TTC6: variants seen among roughly 807,000 people sequenced by gnomAD.
TTC6 encodes tetratricopeptide repeat domain 6.
A neutral mutation model predicts 210.4 loss-of-function variants in TTC6; 172 were observed. That is an observed-to-expected ratio of 0.82 (90% CI 0.72 to 0.93). The LOEUF is 0.93. Among genes scored for constraint, TTC6 ranks in the 40% least tolerant of loss-of-function variants. TTC6 has a pLI of 0.00. For missense variants in TTC6, 2,414 were observed against 2,318.1 expected (o/e 1.04, Z -0.85); for synonymous variants, 804 against 819.6 (o/e 0.98, Z 0.32).
chr14:37,741,462 G>A (rs147624273), intron 10 of TTC6, among the ~76,000 whole-genome samples: 52 of 151,430 alleles, frequency 3.4e-4, no homozygotes, highest in African/African-American at 1.1e-3. Context: ...CTAATTTTTC[G>A]TATTTTTAGT....
At chr14:37,777,261 A>T (rs1001360248) in intron 14 of TTC6, among the ~76,000 whole-genome samples, 10 of 152,154 alleles carry the variant, frequency 6.6e-5, no homozygotes, top group Non-Finnish European at 1.5e-4. Flanking sequence ...GTTTATGTAC[A>T]TAATCCCATA....
Position 37,739,515 on chromosome 14 carries a change from G to A in TTC6, c.2363+360G>A, listed in dbSNP as rs530008489. The stretch of plus-strand genomic sequence containing the variant: ...ACCTGGGAGGTGGAGGTTGCAATGA[G>A]CTGAGATCAGGCCACTGCACTCCAG... On this transcript the variant is annotated intron_variant, in intron 10 of 30. Coordinates refer to ENST00000553443, the Ensembl canonical transcript of TTC6. Among the ~76,000 whole-genome samples, 190 of 148,038 alleles carry A rather than the reference G, an allele frequency of 1.3e-3. 2 individuals are homozygous for A. The highest frequency in any genetic ancestry group is 2.4e-3 in the Non-Finnish European group (160 of 67,624).
intron 7 of TTC6, among the ~76,000 whole-genome samples, chr14:37,729,258 A>G (rs2095879939): frequency 6.6e-6 from 1 of 152,200 alleles, no homozygotes; most frequent in African/African-American, 2.4e-5. Flanking sequence ...ATATGTCATG[A>G]GCTAGAAAGA....
chr14:37,800,224 A>G (rs1050292388), intron 20 of TTC6, among the ~76,000 whole-genome samples: 4 of 152,144 alleles, frequency 2.6e-5, no homozygotes, highest in Non-Finnish European at 5.9e-5. Context: ...CAAATGAGCA[A>G]CATGTTATTA....
At chr14:37,766,986 T>A (rs1595224174) in intron 14 of TTC6, among the ~76,000 whole-genome samples, 1 of 151,996 alleles carries the variant, frequency 6.6e-6, no homozygotes, top group African/African-American at 2.4e-5. Context: ...AGTGTGATGT[T>A]CCCCTTCCTG....
intron 1 of TTC6, among the ~76,000 whole-genome samples, chr14:37,641,947 T>A (rs903737669): frequency 6.6e-6 from 1 of 152,244 alleles, no homozygotes; most frequent in African/African-American, 2.4e-5. Context: ...ATTTAGTTCT[T>A]CTGACAGCCA....
At chr14:37,729,436 C>T (rs923561907) in intron 7 of TTC6, among the ~76,000 whole-genome samples, 5 of 152,186 alleles carry the variant, frequency 3.3e-5, no homozygotes, top group Non-Finnish European at 4.4e-5. Flanking sequence ...GCTGCTGTCC[C>T]GCAGACCTAA....
chr14:37,752,960 C>G, intron 13 of TTC6, 139 bp from the exon 16 acceptor site: 1 of 527,574 alleles, frequency 1.9e-6, no homozygotes, highest in Non-Finnish European at 3.0e-6. Context: ...TTAGCTACAA[C>G]TCTGAAAATT....
chr14:37,820,542 T>C lies in TTC6; in HGVS notation c.4763+2891T>C, dbSNP rs553482553. Among the ~76,000 whole-genome samples the C allele has an allele frequency of 2.6e-5, 4 of 152,296 alleles. No individual in the cohort carries two copies. In the East Asian group the frequency reaches 7.7e-4, roughly 29 times the overall value. On this transcript the variant is annotated intron_variant, in intron 26 of 30. Transcript: ENST00000553443. ...ATTTCATAAACCATATATTAGAATA[T>C]GTACTCACAAAGGATTTTTAATTTC...
intron 1 of TTC6, among the ~76,000 whole-genome samples, chr14:37,639,515 A>G (rs772000333): frequency 2.6e-5 from 4 of 152,136 alleles, no homozygotes; most frequent in Non-Finnish European, 4.4e-5. Context: ...AAGTTCTCAC[A>G]TAACATTTGG....
chr14:37,677,861 A>G (rs1322329283), intron 1 of TTC6, among the ~76,000 whole-genome samples: 2 of 152,026 alleles, frequency 1.3e-5, no homozygotes, highest in African/African-American at 4.8e-5. Flanking sequence ...TGTATGTTCT[A>G]TCTATAGATG....
intron 7 of TTC6, among the ~76,000 whole-genome samples, chr14:37,730,318 A>T (rs916553958): frequency 2.6e-5 from 4 of 152,200 alleles, no homozygotes; most frequent in African/African-American, 9.6e-5. Flanking sequence ...TCTGGATATA[A>T]TATATTCATG....
exon 6 of TTC6, chr14:37,714,711 C>T (rs747956919): frequency 4.6e-5 from 70 of 1,535,314 alleles, no homozygotes; most frequent in South Asian, 1.8e-4. Flanking sequence ...CATATTCCTC[C>T]GACACCGCAA....
chr14:37,790,555 A>G (rs1043637865), intron 15 of TTC6, among the ~76,000 whole-genome samples, 162 bp from the exon 18 acceptor site: 7 of 152,214 alleles, frequency 4.6e-5, no homozygotes, highest in African/African-American at 7.2e-5. Context: ...GTACAATACT[A>G]TTATTTAACT....
chr14:37,765,011 T>G (rs1024953165), intron 14 of TTC6, among the ~76,000 whole-genome samples: 4 of 152,004 alleles, frequency 2.6e-5, no homozygotes, highest in Non-Finnish European at 5.9e-5. Context: ...GTTATTGTCT[T>G]TGTGATTACC....
rs143889375 is a variant in TTC6 at position 37,613,291 on chromosome 14, A to G, written c.-155+6549A>G. Among the ~76,000 whole-genome samples the G allele has an allele frequency of 5.6e-3, 860 of 152,264 alleles. 4 individuals are homozygous for G. Among genetic ancestry groups the G allele is most frequent in the Middle Eastern group, 0.044 (13 of 294 alleles). On this transcript the variant is annotated intron_variant, in intron 2 of 2. Coordinates refer to the TTC6 transcript ENST00000556845. ...TTATATTGATTTGCAAATAAATATA[A>G]TAAAATCAGATACTTAAATCAATTT...
chr14:37,741,381 C>G (rs2095919299), intron 10 of TTC6, among the ~76,000 whole-genome samples: 1 of 138,750 alleles, frequency 7.2e-6, no homozygotes, highest in Non-Finnish European at 1.5e-5. Context: ...CTCTGCCTCC[C>G]AGGTTCAAGT....
intron 26 of TTC6, among the ~76,000 whole-genome samples, chr14:37,820,964 T>G (rs2096154892): frequency 6.6e-6 from 1 of 151,166 alleles, no homozygotes; most frequent in Non-Finnish European, 1.5e-5. Flanking sequence ...CTTCTCCTCC[T>G]CCTCCTCTTC....
intron 1 of TTC6, among the ~76,000 whole-genome samples, chr14:37,624,780 C>T (rs2095657399): frequency 6.6e-6 from 1 of 152,002 alleles, no homozygotes; most frequent in African/African-American, 2.4e-5. Flanking sequence ...CACCACTATG[C>T]CCGGCTAATT....
Sources: gnomAD v4.1 joint callset for allele counts (sites outside exome capture counted in the v4.1 genomes callset) on GRCh38, gnomAD v4.1.1 for gene constraint, MANE v1.5 for transcripts, NCBI Gene and HGNC (gene_info 2026-07-23, HGNC 2026-07-21) for gene names.